KLRG1: variants seen among roughly 807,000 people sequenced by gnomAD.
KLRG1 encodes killer cell lectin-like receptor subfamily G member 1.
A neutral mutation model predicts 21.8 loss-of-function variants in KLRG1; 16 were observed. That is an observed-to-expected ratio of 0.73 (90% CI 0.50 to 1.11). The LOEUF is 1.11. Among genes scored for constraint, KLRG1 ranks in the 50% most tolerant of loss-of-function variants. The probability of loss-of-function intolerance (pLI) is 0.00; values close to 1 mark genes in which losing one functional copy is unlikely to be tolerated. For synonymous variants in KLRG1, 69 were observed against 75.9 expected (o/e 0.91, Z 0.47); for missense variants, 173 against 218.3 (o/e 0.79, Z 1.31).
the KLRG1 span, chr12:9,149,477 G>C: frequency 7.4e-7 from 1 of 1,356,146 alleles, no homozygotes; most frequent in Non-Finnish European, 1.0e-6. Context: ...TGTAGGAAAA[G>C]CCTTGTAGAG....
the KLRG1 span, among the ~76,000 whole-genome samples, chr12:9,200,661 A>T: frequency 6.6e-6 from 1 of 152,190 alleles, no homozygotes; most frequent in East Asian, 1.9e-4. Context: ...TTAACAAATG[A>T]TGGTGGTTTC....
the KLRG1 span, among the ~76,000 whole-genome samples, chr12:9,033,943 A>G: frequency 6.6e-6 from 1 of 152,208 alleles, no homozygotes; most frequent in African/African-American, 2.4e-5. Context: ...AGCTAAGGTA[A>G]AGTCACAGGA....
At chr12:9,165,974 G>A in the KLRG1 span, 1 of 1,497,092 alleles carries the variant, frequency 6.7e-7, no homozygotes, top group East Asian at 2.3e-5. Context: ...TTTTCAGGAA[G>A]ATTGTCTTAG....
chr12:9,136,735 C>G, the KLRG1 span, among the ~76,000 whole-genome samples: 1 of 152,040 alleles, frequency 6.6e-6, no homozygotes, highest in African/African-American at 2.4e-5. Context: ...ATGTGTGAAG[C>G]GATATCTCAT....
chr12:8,972,181 G>A (rs867551001), intron 1 of KLRG1, among the ~76,000 whole-genome samples: 11 of 151,604 alleles, frequency 7.3e-5, no homozygotes, highest in African/African-American at 2.2e-4. Flanking sequence ...TTTTTGAGAC[G>A]GAGTCTCGCT....
the KLRG1 span, chr12:9,091,436 A>G: frequency 6.2e-7 from 1 of 1,613,736 alleles, no homozygotes; most frequent in East Asian, 2.2e-5. Context: ...TGAGCTGGAG[A>G]GGAGTGTAAG....
chr12:8,954,374 T>C (rs1396073863), intron 1 of KLRG1, among the ~76,000 whole-genome samples: 1 of 151,806 alleles, frequency 6.6e-6, no homozygotes, highest in East Asian at 1.9e-4. Flanking sequence ...AATATTGTAT[T>C]GTATACTGGT....
At chr12:9,093,003 C>T in the KLRG1 span, among the ~76,000 whole-genome samples, 2 of 152,132 alleles carry the variant, frequency 1.3e-5, no homozygotes, top group African/African-American at 4.8e-5. Context: ...AAGCCAGACA[C>T]AGGACAAGTA....
the KLRG1 span, among the ~76,000 whole-genome samples, chr12:9,102,606 G>A: frequency 2.9e-3 from 447 of 152,270 alleles, 2 homozygotes; most frequent in African/African-American, 0.01. Flanking sequence ...TCTTCCTGTA[G>A]AAGTTATTCC....
At chr12:9,200,919 G>C in the KLRG1 span, 2 of 1,613,814 alleles carry the variant, frequency 1.2e-6, no homozygotes, top group Non-Finnish European at 8.5e-7. Context: ...AAGGGGTGCT[G>C]TATCCTTCCA....
the KLRG1 span, chr12:9,180,989 C>T: frequency 1.9e-6 from 3 of 1,613,308 alleles, no homozygotes; most frequent in Non-Finnish European, 2.5e-6. Context: ...TCACTGAGGA[C>T]ACAGAGAGCT....
At chr12:9,095,301 T>A in the KLRG1 span, among the ~76,000 whole-genome samples, 1 of 152,212 alleles carries the variant, frequency 6.6e-6, no homozygotes, top group African/African-American at 2.4e-5. Flanking sequence ...GTGATTTTAA[T>A]AAACATCACA....
chr12:9,080,859 T>C, the KLRG1 span, among the ~76,000 whole-genome samples: 2 of 152,092 alleles, frequency 1.3e-5, no homozygotes, highest in Non-Finnish European at 2.9e-5. Flanking sequence ...AAAATTCATA[T>C]TAAAATGTTT....
the KLRG1 span, among the ~76,000 whole-genome samples, chr12:9,025,745 G>A: frequency 6.6e-6 from 1 of 152,192 alleles, no homozygotes; most frequent in African/African-American, 2.4e-5. Flanking sequence ...AAGTAACCTT[G>A]GGTAGAAAGA....
chr12:8,997,128 C>T (rs1947155621), intron 3 of KLRG1, among the ~76,000 whole-genome samples: 6 of 152,156 alleles, frequency 3.9e-5, no homozygotes, highest in Admixed American at 3.9e-4. Context: ...CTGACATGCC[C>T]CCATTCCTTA....
chr12:9,185,792 T>TTCTTTTCTTTTCTTA, the KLRG1 span, among the ~76,000 whole-genome samples: 1 of 145,358 alleles, frequency 6.9e-6, no homozygotes, highest in East Asian at 2.0e-4. Flanking sequence ...TGTTCAACAT[T>TTCTTTTCTTTTCTTA]TCTTTTCTTT....
intron 3 of KLRG1, among the ~76,000 whole-genome samples, chr12:9,006,621 T>G (rs758434760): frequency 1.5e-4 from 23 of 152,172 alleles, no homozygotes; most frequent in Admixed American, 1.2e-3. Flanking sequence ...AGTTTAGCAC[T>G]GGGAGAGAAA....
the KLRG1 span, chr12:9,168,513 C>A: frequency 5.3e-6 from 1 of 187,630 alleles, no homozygotes; most frequent in Non-Finnish European, 1.1e-5. Flanking sequence ...CCAGTGAAGC[C>A]CTTTGTCCTT....
At chr12:9,178,081 A>C in the KLRG1 span, among the ~76,000 whole-genome samples, 115 of 152,354 alleles carry the variant, frequency 7.5e-4, no homozygotes, top group African/African-American at 2.7e-3. Context: ...CTGTTAATAA[A>C]ATACAAATCA....
Sources: allele counts gnomAD v4.1 joint callset (sites outside exome capture counted in the v4.1 genomes callset), GRCh38; gene constraint gnomAD v4.1.1; transcripts MANE v1.5; gene names NCBI Gene and HGNC (gene_info 2026-07-23, HGNC 2026-07-21).